The following TFPI variants were observed in gnomAD, a reference collection of about 807,000 sequenced individuals.
TFPI encodes the protein anti-convertin.
In TFPI, 15 loss-of-function variants were observed where a neutral mutation model predicts 34.6. The observed-to-expected ratio is 0.43, with a 90% confidence interval of 0.29 to 0.67. The LOEUF (loss-of-function observed/expected upper bound fraction) is 0.67, where lower values mean the gene tolerates loss of function less well. Ranked by LOEUF, TFPI falls within the 30% of genes least tolerant of loss-of-function variation. The probability of loss-of-function intolerance (pLI) is 0.15; values close to 1 mark genes in which losing one functional copy is unlikely to be tolerated. For synonymous variants in TFPI, 105 were observed against 120.1 expected, an observed-to-expected ratio of 0.87 and a Z score of 0.82; for missense variants, 301 against 364.0, an observed-to-expected ratio of 0.83 and a Z score of 1.41.
chr2:187,493,193 T>G (rs191983076), intron 3 of TFPI, among the ~76,000 whole-genome samples: 2 of 152,302 alleles, frequency 1.3e-5, no homozygotes, highest in African/African-American at 4.8e-5. Flanking sequence ...TTCCCAAACC[T>G]CAATTCTTGA....
intron 1 of TFPI, among the ~76,000 whole-genome samples, chr2:187,532,468 G>T (rs1688011826): frequency 6.6e-6 from 1 of 152,222 alleles, no homozygotes; most frequent in South Asian, 2.1e-4. Context: ...CACCTGGGAA[G>T]CACAAGGGGT....
chr2:187,502,911 C>T (rs182598215), intron 2 of TFPI, among the ~76,000 whole-genome samples: 1 of 152,210 alleles, frequency 6.6e-6, no homozygotes, highest in East Asian at 1.9e-4. Context: ...TTATGGAAAT[C>T]TTTTTTACAT....
rs1693155528 is a variant in TFPI, at chr2:187,485,006, T to A, written c.359-19A>T. On this transcript the variant is annotated intron_variant, in intron 4 of 7. Coordinates refer to ENST00000233156, the MANE Select transcript of TFPI (RefSeq NM_006287.6). The stretch of plus-strand genomic sequence containing the variant: ...GGCTTTTCTAGAAATTATAAAAATG[T>A]CAGAAAGCAATATTCTTTTGTGTAA... 6.8e-7 allele frequency: 1 copy of A among 1,475,378 alleles called. No homozygotes were observed. The highest frequency in any genetic ancestry group is 1.5e-5 in the African/African-American group (1 of 68,772). The allele number at this position is 1,475,378 out of a possible 1,614,324, so 91.4% of individuals were successfully genotyped here.
chr2:187,544,775 C>G (rs1297919220), intron 1 of TFPI: 1 of 152,148 alleles, frequency 6.6e-6, no homozygotes, highest in Non-Finnish European at 1.5e-5. Context: ...AATCACAACT[C>G]TTTCTACATT....
Position 187,466,991 on chromosome 2 carries a change from C to A in TFPI, c.860G>T (p.Arg287Ile). The part of the protein sequence containing the change: ...KGGLIKTKRK[R>I]KKQRVKIAYE... ...TGCTATTTTCACTCTCTGCTTCTTT[C>A]TTTTTCTTTTGGTTTTAATTAGGCC... Residue 287 changes from arginine to isoleucine, a missense_variant, in exon 8 of 8, where the codon AGA becomes ATA. Physicochemically the swap from Arg to Ile is moderately conservative, Grantham distance 97 (BLOSUM62 -3). Coordinates refer to ENST00000233156, the MANE Select transcript of TFPI (RefSeq NM_006287.6). 1 of 1,590,108 alleles carries A rather than the reference C, an allele frequency of 6.3e-7. No individual in the cohort carries two copies. Among genetic ancestry groups the A allele is most frequent in the East Asian group, 2.3e-5 (1 of 43,662 alleles).
chr2:187,490,275 TC>T (rs1378691176), intron 3 of TFPI, among the ~76,000 whole-genome samples: 1 of 151,744 alleles, frequency 6.6e-6, no homozygotes, highest in Non-Finnish European at 1.5e-5. Flanking sequence ...GTTGTTCAAA[TC>T]TTTTATATCC....
intron 3 of TFPI, among the ~76,000 whole-genome samples, chr2:187,490,280 T>C (rs932098421): frequency 6.6e-6 from 1 of 151,742 alleles, no homozygotes; most frequent in African/African-American, 2.4e-5. Context: ...TCAAATCTTT[T>C]ATATCCTTAG....
At chr2:187,488,691 T>G (rs1236552629) in intron 3 of TFPI, among the ~76,000 whole-genome samples, 31 of 151,440 alleles carry the variant, frequency 2.0e-4, no homozygotes, top group Admixed American at 2.0e-3. Flanking sequence ...AAACAATTAT[T>G]TTAAAAATGT....
chr2:187,524,133 T>G (rs557526870), intron 1 of TFPI, among the ~76,000 whole-genome samples: 1 of 152,216 alleles, frequency 6.6e-6, no homozygotes, highest in East Asian at 1.9e-4. Context: ...ATACCAAAAT[T>G]TATTTATTCA....
intron 3 of TFPI, 74 bp from the exon 4 acceptor site, chr2:187,488,449 A>C: frequency 1.1e-6 from 1 of 926,770 alleles, no homozygotes; most frequent in East Asian, 2.9e-5. Context: ...AATTTAACAA[A>C]CAAGAGTGAC....
chr2:187,506,917 A>T (rs1686257547), intron 1 of TFPI, among the ~76,000 whole-genome samples: 1 of 151,610 alleles, frequency 6.6e-6, no homozygotes, highest in Non-Finnish European at 1.5e-5. Flanking sequence ...TTATTTATTT[A>T]TTTTTTTATA....
intron 1 of TFPI, among the ~76,000 whole-genome samples, chr2:187,504,575 AAAAAAG>A (rs1000100105): frequency 6.6e-6 from 1 of 151,964 alleles, no homozygotes. Context: ...GGAAAAAAAA[AAAAAAG>A]AAAAGAAAGA....
intron 1 of TFPI, among the ~76,000 whole-genome samples, chr2:187,530,057 C>T (rs1222286199): frequency 2.0e-5 from 3 of 152,126 alleles, no homozygotes; most frequent in African/African-American, 7.2e-5. Flanking sequence ...TGTAAGTGTT[C>T]TCCAATGAGA....
At chr2:187,546,166 T>C (rs931604215) in intron 1 of TFPI, among the ~76,000 whole-genome samples, 4 of 152,214 alleles carry the variant, frequency 2.6e-5, no homozygotes, top group African/African-American at 9.6e-5. Flanking sequence ...TGTTTCTTTT[T>C]ATAGTAATGA....
chr2:187,535,502 T>C (rs1240537370), intron 1 of TFPI, among the ~76,000 whole-genome samples: 1 of 151,998 alleles, frequency 6.6e-6, no homozygotes, highest in Non-Finnish European at 1.5e-5. Flanking sequence ...AATAACAAAA[T>C]CAAGGCAGAA....
chr2:187,503,559 C>A, intron 2 of TFPI, 89 bp downstream of exon 2: 4 of 1,433,626 alleles, frequency 2.8e-6, no homozygotes, highest in Non-Finnish European at 1.9e-6. Flanking sequence ...AACTAATTTC[C>A]CTCCACAATG....
At chr2:187,549,395 G>T (rs1487810351) in intron 1 of TFPI, among the ~76,000 whole-genome samples, 1 of 152,082 alleles carries the variant, frequency 6.6e-6, no homozygotes, top group Non-Finnish European at 1.5e-5. Flanking sequence ...AAAGCAATTT[G>T]TAATTTCTGC....
chr2:187,514,656 T>C (rs573819896), intron 1 of TFPI: 2 of 152,370 alleles, frequency 1.3e-5, no homozygotes, highest in South Asian at 2.1e-4. Flanking sequence ...TACTGGGCAC[T>C]CTGCCAAATA....
intron 1 of TFPI, among the ~76,000 whole-genome samples, chr2:187,507,298 C>T (rs900391664): frequency 6.6e-6 from 1 of 152,256 alleles, no homozygotes; most frequent in African/African-American, 2.4e-5. Flanking sequence ...TTTCTTTATA[C>T]AGTCTATCAT....
Sources: allele counts gnomAD v4.1 joint callset (sites outside exome capture counted in the v4.1 genomes callset), GRCh38; gene constraint gnomAD v4.1.1; transcripts MANE v1.5; gene names NCBI Gene and HGNC (gene_info 2026-07-23, HGNC 2026-07-21).